Variants in ATP8A1 observed in about 807,000 individuals in gnomAD.
The protein encoded by ATP8A1 is ATPase phospholipid transporting 8A1.
Under a neutral mutation model 177.7 loss-of-function variants are expected in ATP8A1, and 90 were observed. The observed-to-expected ratio is 0.51, with a 90% confidence interval of 0.43 to 0.60. The LOEUF (loss-of-function observed/expected upper bound fraction) is 0.60, where lower values mean the gene tolerates loss of function less well. ATP8A1 is among the 20% of genes least tolerant of loss of function. The pLI, the probability that ATP8A1 is intolerant of heterozygous loss-of-function variation, is 0.00. For synonymous variants in ATP8A1, 493 were observed against 485.9 expected (o/e 1.01, Z -0.19); for missense variants, 1,072 against 1,392.8 (o/e 0.77, Z 3.67).
chr4:42,519,988 AT>A (rs1284731442), intron 22 of ATP8A1, among the ~76,000 whole-genome samples: 1 of 152,174 alleles, frequency 6.6e-6, no homozygotes, highest in Non-Finnish European at 1.5e-5. Context: ...GTCAACTTAA[AT>A]TTTAATGTAG....
intron 27 of ATP8A1, among the ~76,000 whole-genome samples, chr4:42,457,528 G>A (rs1192307954): frequency 6.6e-6 from 1 of 152,214 alleles, no homozygotes; most frequent in Non-Finnish European, 1.5e-5. Flanking sequence ...TTGTTGGTCT[G>A]AAGAAAGCCG....
At chr4:42,591,112 A>G (rs1209777394) in intron 6 of ATP8A1, among the ~76,000 whole-genome samples, 1 of 152,148 alleles carries the variant, frequency 6.6e-6, no homozygotes, top group Non-Finnish European at 1.5e-5. Context: ...TTTTTAGCCC[A>G]ATTTAAAGTT....
At chr4:42,563,979 C>T (rs1731103024) in intron 15 of ATP8A1, among the ~76,000 whole-genome samples, 1 of 152,180 alleles carries the variant, frequency 6.6e-6, no homozygotes, top group Admixed American at 6.5e-5. Flanking sequence ...CCTGTAATCC[C>T]AGCTACTTGG....
chr4:42,469,457 T>C (rs1470055621), intron 25 of ATP8A1, among the ~76,000 whole-genome samples: 1 of 152,164 alleles, frequency 6.6e-6, no homozygotes, highest in Non-Finnish European at 1.5e-5. Context: ...CTGAAGTCAG[T>C]AAAAAAGATC....
intron 20 of ATP8A1, among the ~76,000 whole-genome samples, chr4:42,543,638 T>C (rs1560440076): frequency 6.6e-6 from 1 of 152,230 alleles, no homozygotes; most frequent in African/African-American, 2.4e-5. Flanking sequence ...TATTTAACTG[T>C]CTTCTAACAA....
At chr4:42,518,455 C>T (rs1460094559) in intron 22 of ATP8A1, among the ~76,000 whole-genome samples, 2 of 152,146 alleles carry the variant, frequency 1.3e-5, no homozygotes, top group African/African-American at 4.8e-5. Context: ...AGAGTCACAA[C>T]AAGCCCTGCC....
At chr4:42,458,834 A>C (rs1718768309) in intron 27 of ATP8A1, among the ~76,000 whole-genome samples, 1 of 152,168 alleles carries the variant, frequency 6.6e-6, no homozygotes, top group Non-Finnish European at 1.5e-5. Context: ...CATTTTCCTG[A>C]TGGAGCATTT....
At chr4:42,545,275 C>T (rs1728788013) in intron 19 of ATP8A1, among the ~76,000 whole-genome samples, 1 of 152,132 alleles carries the variant, frequency 6.6e-6, no homozygotes, top group African/African-American at 2.4e-5. Context: ...TTAATTGGGC[C>T]TCCTTTGTAA....
At chr4:42,536,874 C>T (rs944920667) in intron 20 of ATP8A1, among the ~76,000 whole-genome samples, 1 of 152,062 alleles carries the variant, frequency 6.6e-6, no homozygotes, top group African/African-American at 2.4e-5. Context: ...TGCCTGTAAT[C>T]CCAGCCAGCA....
At chr4:42,560,146 A>G (rs547107676) in intron 15 of ATP8A1, among the ~76,000 whole-genome samples, 5 of 152,342 alleles carry the variant, frequency 3.3e-5, no homozygotes, top group East Asian at 1.9e-4. Flanking sequence ...GCACTGTCAA[A>G]TGAAAAGCTG....
At chr4:42,560,625 G>A (rs1730719381) in intron 15 of ATP8A1, among the ~76,000 whole-genome samples, 1 of 151,836 alleles carries the variant, frequency 6.6e-6, no homozygotes, top group Non-Finnish European at 1.5e-5. Flanking sequence ...GGAACTCATG[G>A]TTGTGTACAC....
At chr4:42,479,996 T>TTGTGTGTG (rs376966152) in intron 25 of ATP8A1, among the ~76,000 whole-genome samples, 9,319 of 135,432 alleles carry the variant, frequency 0.069, 371 homozygotes, top group Middle Eastern at 0.11. Flanking sequence ...GCAGTTCTGC[T>TTGTGTGTG]TGTGTGTGTG....
intron 21 of ATP8A1, among the ~76,000 whole-genome samples, chr4:42,523,969 T>G (rs770292008): frequency 6.6e-6 from 1 of 152,180 alleles, no homozygotes; most frequent in African/African-American, 2.4e-5. Flanking sequence ...TTAGGTCAGT[T>G]TGGTGCCACT....
chr4:42,646,849 T>C (rs375092040), intron 1 of ATP8A1, among the ~76,000 whole-genome samples: 1 of 152,176 alleles, frequency 6.6e-6, no homozygotes, highest in Admixed American at 6.5e-5. Flanking sequence ...GCCAAGTCAA[T>C]TAGAGGTCTA....
rs903866461 is a variant in ATP8A1, at chr4:42,590,899, A to G, written c.451-15T>C. On this transcript the variant is annotated splice_polypyrimidine_tract_variant and intron_variant, in intron 6 of 36. Transcript: ENST00000381668. The stretch of plus-strand genomic sequence containing the variant: ...CCTACTGCCACCTACACGTCCCAGT[A>G]TAAAATAATTAAAATGGCCAAAAAA... The G allele has an allele frequency of 7.6e-6, 12 of 1,579,728 alleles. No individual in the cohort carries two copies. Among genetic ancestry groups the G allele is most frequent in the Non-Finnish European group, 8.6e-6 (10 of 1,163,824 alleles).
intron 7 of ATP8A1, among the ~76,000 whole-genome samples, chr4:42,590,493 AG>A (rs1386494171): frequency 1.3e-5 from 2 of 152,210 alleles, no homozygotes; most frequent in Non-Finnish European, 2.9e-5. Context: ...ATTAAGCCTT[AG>A]TACTTAGGCA....
intron 1 of ATP8A1, among the ~76,000 whole-genome samples, chr4:42,628,410 G>A (rs911392373): frequency 1.3e-5 from 2 of 152,192 alleles, no homozygotes; most frequent in African/African-American, 4.8e-5. Flanking sequence ...CTGGAGCACA[G>A]ACAGAAGGCG....
intron 29 of ATP8A1, among the ~76,000 whole-genome samples, chr4:42,453,407 C>T (rs778809081): frequency 6.6e-5 from 10 of 152,116 alleles, no homozygotes; most frequent in Non-Finnish European, 1.3e-4. Context: ...GTTGGCAACT[C>T]GTGTATAAAA....
In ATP8A1 at chr4:42,595,708, A is replaced by G. The variant is rs867972260; in HGVS notation, c.450+4770T>C. Among the ~76,000 whole-genome samples, 10 of 152,174 alleles carry G rather than the reference A, an allele frequency of 6.6e-5. No individual in the cohort carries two copies. In the Middle Eastern group the frequency reaches 0.014, roughly 207 times the overall value. Reference sequence around the variant, plus strand: ...GTTACCATTTAATTTTCTTTAATCAACTCCTGTATGTTAATGTTTCCTCTT... The same window carrying G: ...GTTACCATTTAATTTTCTTTAATCAGCTCCTGTATGTTAATGTTTCCTCTT... On this transcript the variant is annotated intron_variant, in intron 6 of 36. Coordinates refer to ENST00000381668, the MANE Select transcript of ATP8A1 (RefSeq NM_006095.2).
Sources: allele counts gnomAD v4.1 joint callset (sites outside exome capture counted in the v4.1 genomes callset), GRCh38; gene constraint gnomAD v4.1.1; transcripts MANE v1.5; gene names NCBI Gene and HGNC (gene_info 2026-07-23, HGNC 2026-07-21).